PTPRT: variants seen among roughly 807,000 people sequenced by gnomAD.
PTPRT encodes receptor-type tyrosine-protein phosphatase T.
PTPRT carries 56 observed loss-of-function variants against 176.8 expected under a neutral mutation model. That is an observed-to-expected ratio of 0.32 (90% CI 0.26 to 0.40). The LOEUF (loss-of-function observed/expected upper bound fraction) is 0.40. PTPRT is among the 10% of genes least tolerant of loss of function. The pLI is 1.00. For synonymous variants in PTPRT, 783 were observed against 739.0 expected, an observed-to-expected ratio of 1.06 and a Z score of -0.96; for missense variants, 1,540 against 1,908.2, an observed-to-expected ratio of 0.81 and a Z score of 3.60.
At chr20:43,027,626 C>A (rs766095118) in intron 1 of PTPRT, among the ~76,000 whole-genome samples, 68 of 152,070 alleles carry the variant, frequency 4.5e-4, no homozygotes, top group Non-Finnish European at 7.5e-4. Context: ...CATCTGCAAG[C>A]CAAGGAGAGA....
chr20:42,817,218 C>T (rs1353724928), intron 2 of PTPRT, among the ~76,000 whole-genome samples: 3 of 152,192 alleles, frequency 2.0e-5, no homozygotes, highest in Non-Finnish European at 4.4e-5. Context: ...AAACTACTTA[C>T]ACATGTAGAA....
chr20:43,087,619 C>T (rs1381560849), intron 1 of PTPRT, among the ~76,000 whole-genome samples: 1 of 152,118 alleles, frequency 6.6e-6, no homozygotes, highest in Non-Finnish European at 1.5e-5. Flanking sequence ...CTGCCTCGGC[C>T]TCCCAAAGTG....
chr20:42,977,633 T>C (rs1983024415), intron 1 of PTPRT, among the ~76,000 whole-genome samples: 1 of 152,100 alleles, frequency 6.6e-6, no homozygotes, highest in African/African-American at 2.4e-5. Flanking sequence ...CAGTACTAGA[T>C]TGTATATAAA....
At chr20:42,634,013 TATATATATA>T (rs1361728736) in intron 7 of PTPRT, among the ~76,000 whole-genome samples, 33 of 29,030 alleles carry the variant, frequency 1.1e-3, no homozygotes, top group South Asian at 5.8e-3. Context: ...ATATATATAA[TATATATATA>T]ATATATATAT....
chr20:42,847,144 G>T (rs1462255671), intron 2 of PTPRT, among the ~76,000 whole-genome samples: 1 of 152,182 alleles, frequency 6.6e-6, no homozygotes, highest in Non-Finnish European at 1.5e-5. Context: ...TTAACAAAGG[G>T]AATATTTACA....
At position 42,727,105 on chromosome 20, in the gene PTPRT, C is replaced by T. The variant is rs556857922; in HGVS notation, c.859+29357G>A. ...TCTTTTTAACATCTTTTGAAGACTG[C>T]CCTGCTGCTGACAGGACAGAGAGAG... On this transcript the variant is annotated intron_variant, in intron 6 of 30. Transcript: ENST00000373187. Among the ~76,000 whole-genome samples, 4 of 152,258 alleles carry T rather than the reference C, an allele frequency of 2.6e-5. No homozygotes were observed. The South Asian group carries it at 8.3e-4, about 32-fold the overall frequency.
intron 8 of PTPRT, among the ~76,000 whole-genome samples, chr20:42,464,384 AAT>A (rs1280877684): frequency 4.6e-5 from 7 of 152,200 alleles, no homozygotes; most frequent in African/African-American, 1.7e-4. Flanking sequence ...GGTAGAGAAA[AAT>A]AAAACAGAGA....
At position 42,239,560 on chromosome 20, in the gene PTPRT, C is replaced by G. The variant is rs1600716178; in HGVS notation, c.2313-3302G>C. Among the ~76,000 whole-genome samples, 3 of 151,744 alleles carry G rather than the reference C, an allele frequency of 2.0e-5. No individual in the cohort carries two copies. In the Middle Eastern group the frequency reaches 0.01, roughly 516 times the overall value. Reference sequence around the variant, plus strand: ...GCCTCAGCCTCCTGAGTAGCTGGGACTACAGGTGCCCACCACCACGCCTGG... The same window carrying G: ...GCCTCAGCCTCCTGAGTAGCTGGGAGTACAGGTGCCCACCACCACGCCTGG... On this transcript the variant is annotated intron_variant, in intron 14 of 30. Coordinates refer to ENST00000373187, the MANE Select transcript of PTPRT (RefSeq NM_007050.6).
rs537934625 is a variant in PTPRT, at chr20:42,096,250, A to G, written c.3846+2171T>C. On this transcript the variant is annotated intron_variant, in intron 27 of 30. Coordinates refer to ENST00000373187, the MANE Select transcript of PTPRT (RefSeq NM_007050.6). ...GCCTTTTACCTGCACTGATCCCCAG[A>G]CCTGGCTTTCTTTTTATTCTTACCC... Among the ~76,000 whole-genome samples the G allele has an allele frequency of 1.5e-4, 23 of 152,168 alleles. No homozygotes were observed. The East Asian group carries it at 4.2e-3, about 28-fold the overall frequency.
At chr20:42,846,265 G>A (rs1257395190) in intron 2 of PTPRT, among the ~76,000 whole-genome samples, 2 of 152,190 alleles carry the variant, frequency 1.3e-5, no homozygotes, top group Non-Finnish European at 2.9e-5. Context: ...CTGCAGGGGA[G>A]AGGCATGCCG....
chr20:42,197,967 A>G (rs549037771), intron 16 of PTPRT, among the ~76,000 whole-genome samples: 15 of 152,330 alleles, frequency 9.8e-5, no homozygotes, highest in African/African-American at 1.9e-4. Context: ...CTGGGTGCCT[A>G]TGAGAACTCT....
At chr20:43,098,185 T>C (rs2012244543) in intron 1 of PTPRT, among the ~76,000 whole-genome samples, 1 of 152,114 alleles carries the variant, frequency 6.6e-6, no homozygotes, top group African/African-American at 2.4e-5. Context: ...TATCACAGAC[T>C]CATGGTTACC....
chr20:42,369,541 T>C (rs1484014876), intron 9 of PTPRT, among the ~76,000 whole-genome samples: 2 of 152,240 alleles, frequency 1.3e-5, no homozygotes, highest in East Asian at 1.9e-4. Flanking sequence ...GGGCTGAATA[T>C]ATTAAGCCAC....
chr20:42,196,938 T>G (rs1456651088), intron 16 of PTPRT, among the ~76,000 whole-genome samples: 1 of 152,232 alleles, frequency 6.6e-6, no homozygotes, highest in Non-Finnish European at 1.5e-5. Flanking sequence ...CGGTATGATA[T>G]GTCCATTAAT....
chr20:42,883,813 C>CT (rs1175003333), intron 2 of PTPRT, among the ~76,000 whole-genome samples: 20 of 78,694 alleles, frequency 2.5e-4, no homozygotes, highest in Admixed American at 4.0e-4. Flanking sequence ...CCCTTACACC[C>CT]CCATATGCAC....
chr20:42,538,757 C>T (rs969535085), intron 7 of PTPRT, among the ~76,000 whole-genome samples: 12 of 152,126 alleles, frequency 7.9e-5, no homozygotes, highest in Admixed American at 5.9e-4. Flanking sequence ...TAACCACTCA[C>T]GGAGGCTGCT....
intron 15 of PTPRT, among the ~76,000 whole-genome samples, chr20:42,207,066 C>A (rs1475273040): frequency 6.6e-6 from 1 of 152,064 alleles, no homozygotes; most frequent in Non-Finnish European, 1.5e-5. Flanking sequence ...TTCCAACAGA[C>A]CTGCAGCTGA....
chr20:42,989,990 A>T (rs6065559), intron 1 of PTPRT, among the ~76,000 whole-genome samples: 30,745 of 152,218 alleles, frequency 0.2, 3,215 homozygotes, highest in Non-Finnish European at 0.22. Context: ...TAGGATGCAC[A>T]TAGGTGCTTT....
intron 1 of PTPRT, among the ~76,000 whole-genome samples, chr20:43,012,831 T>C (rs944244290): frequency 1.3e-5 from 2 of 152,052 alleles, no homozygotes; most frequent in Non-Finnish European, 2.9e-5. Flanking sequence ...TCCATGAAGG[T>C]GCAAAATATC....
Sources: gnomAD v4.1 joint callset for allele counts (sites outside exome capture counted in the v4.1 genomes callset) on GRCh38, gnomAD v4.1.1 for gene constraint, MANE v1.5 for transcripts, NCBI Gene and HGNC (gene_info 2026-07-23, HGNC 2026-07-21) for gene names.